SEMA5A: variants seen among roughly 807,000 people sequenced by gnomAD.
SEMA5A encodes semaphorin 5A.
In SEMA5A, 55 loss-of-function variants were observed where a neutral mutation model predicts 135.5. That is an observed-to-expected ratio of 0.41 (90% CI 0.33 to 0.51). SEMA5A has a LOEUF of 0.51. Ranked by LOEUF, SEMA5A falls within the 20% of genes least tolerant of loss-of-function variation. The pLI is 0.37. For synonymous variants in SEMA5A, 580 were observed against 546.5 expected (o/e 1.06, Z -0.85); for missense variants, 1,290 against 1,419.9 (o/e 0.91, Z 1.47).
At chr5:9,265,039 C>A (rs995147755) in intron 5 of SEMA5A, among the ~76,000 whole-genome samples, 2 of 152,122 alleles carry the variant, frequency 1.3e-5, no homozygotes, top group African/African-American at 2.4e-5. Flanking sequence ...TTATAATGCA[C>A]ATGCATTTAG....
chr5:9,267,200 G>T (rs910020138), intron 5 of SEMA5A, among the ~76,000 whole-genome samples: 4 of 152,074 alleles, frequency 2.6e-5, no homozygotes, highest in East Asian at 1.9e-4. Flanking sequence ...TTTAATATAT[G>T]AGCCAGGAAG....
chr5:9,420,445 G>T, intron 2 of SEMA5A, among the ~76,000 whole-genome samples: 1 of 152,246 alleles, frequency 6.6e-6, no homozygotes, highest in Middle Eastern at 3.4e-3. Flanking sequence ...CTGGAGAGAA[G>T]GGGAAATATT....
At chr5:9,318,207 C>T (rs1316879796) in intron 5 of SEMA5A, among the ~76,000 whole-genome samples, 165 bp downstream of exon 5, 2 of 152,166 alleles carry the variant, frequency 1.3e-5, no homozygotes, top group African/African-American at 2.4e-5. Flanking sequence ...GAGGTAATGA[C>T]TCGTAACAAG....
intron 1 of SEMA5A, among the ~76,000 whole-genome samples, chr5:9,538,224 G>A (rs1027712784): frequency 6.7e-6 from 1 of 150,130 alleles, no homozygotes; most frequent in African/African-American, 2.5e-5. Context: ...TGCCAAAGCA[G>A]AATGGAAAGA....
Position 9,226,815 on chromosome 5 carries a change from A to G in SEMA5A, c.432+54T>C, listed in dbSNP as rs987663422. The G allele has an allele frequency of 2.1e-5, 29 of 1,370,200 alleles. No individual in the cohort carries two copies. In the East Asian group the frequency reaches 2.2e-4, roughly 10 times the overall value. 84.9% of individuals were successfully genotyped at this position (1,370,200 alleles called of 1,614,324 possible). On this transcript the variant is annotated intron_variant, in intron 7 of 22. Coordinates refer to ENST00000382496, the MANE Select transcript of SEMA5A (RefSeq NM_003966.3). The stretch of plus-strand genomic sequence containing the variant: ...CATTTAAAACTAGTATTTTTACACA[A>G]TGTTTTGCCTCTTCTGATATTAAAT...
intron 5 of SEMA5A, among the ~76,000 whole-genome samples, chr5:9,259,239 T>G (rs543039739): frequency 6.6e-6 from 1 of 152,228 alleles, no homozygotes; most frequent in African/African-American, 2.4e-5. Context: ...TGGGCAAAAT[T>G]TGCTTTTAAT....
chr5:9,435,174 A>G (rs12520208), intron 2 of SEMA5A, among the ~76,000 whole-genome samples: 80,567 of 151,998 alleles, frequency 0.53, 22,483 homozygotes, highest in Middle Eastern at 0.66. Flanking sequence ...AGACCAGACC[A>G]GAACATTCTT....
chr5:9,353,322 G>T (rs1459156203), intron 3 of SEMA5A, among the ~76,000 whole-genome samples: 196 of 25,102 alleles, frequency 7.8e-3, no homozygotes, highest in Middle Eastern at 0.045. Context: ...GGGAAAGGAA[G>T]GAAAGGAAAG....
intron 5 of SEMA5A, among the ~76,000 whole-genome samples, chr5:9,242,027 A>C (rs1748224383): frequency 1.3e-5 from 2 of 152,262 alleles, no homozygotes; most frequent in South Asian, 4.1e-4. Context: ...ATTAACAACC[A>C]CCTGAGGGCT....
intron 4 of SEMA5A, among the ~76,000 whole-genome samples, chr5:9,336,272 G>A (rs1188082386): frequency 3.9e-5 from 6 of 152,138 alleles, no homozygotes; most frequent in Admixed American, 2.0e-4. Context: ...ATGAAAACAG[G>A]CAAGTCTGGA....
intron 1 of SEMA5A, among the ~76,000 whole-genome samples, chr5:9,544,738 C>T (rs565837273): frequency 6.6e-6 from 1 of 152,296 alleles, no homozygotes; most frequent in Non-Finnish European, 1.5e-5. Flanking sequence ...AAGCAAAGGG[C>T]GAGGAGGTGA....
chr5:9,373,149 A>G (rs1755215577), intron 3 of SEMA5A, among the ~76,000 whole-genome samples: 1 of 152,234 alleles, frequency 6.6e-6, no homozygotes, highest in African/African-American at 2.4e-5. Flanking sequence ...GTTACAAAAC[A>G]TGTCAGATAT....
intron 8 of SEMA5A, among the ~76,000 whole-genome samples, chr5:9,210,109 A>G (rs1295297820): frequency 6.6e-6 from 1 of 152,212 alleles, no homozygotes; most frequent in African/African-American, 2.4e-5. Flanking sequence ...TGACTCATGT[A>G]TATACAGTTC....
intron 6 of SEMA5A, among the ~76,000 whole-genome samples, chr5:9,228,541 G>A (rs897189737): frequency 1.3e-4 from 20 of 152,324 alleles, no homozygotes; most frequent in South Asian, 2.1e-4. Flanking sequence ...TTTTGACTGC[G>A]TGAAGTATTG....
intron 9 of SEMA5A, among the ~76,000 whole-genome samples, chr5:9,201,594 T>C (rs1446307644): frequency 6.6e-6 from 1 of 152,192 alleles, no homozygotes; most frequent in Non-Finnish European, 1.5e-5. Context: ...TATACACAAA[T>C]GCATGACTTG....
At chr5:9,046,819 T>TCTGA (rs1330976454) in intron 21 of SEMA5A, among the ~76,000 whole-genome samples, 7 of 152,196 alleles carry the variant, frequency 4.6e-5, no homozygotes, top group Admixed American at 1.3e-4. Context: ...CTGCTTTCTC[T>TCTGA]CTGACTCACT....
At chr5:9,361,845 A>G (rs900894240) in intron 3 of SEMA5A, among the ~76,000 whole-genome samples, 2 of 152,084 alleles carry the variant, frequency 1.3e-5, no homozygotes, top group African/African-American at 4.8e-5. Flanking sequence ...ATTAGTGGGT[A>G]CCCTTTGACT....
intron 3 of SEMA5A, among the ~76,000 whole-genome samples, chr5:9,340,518 A>G (rs1753600889): frequency 2.0e-5 from 3 of 152,198 alleles, no homozygotes; most frequent in South Asian, 2.1e-4. Flanking sequence ...AGAGACATAC[A>G]TCAGGTTTTG....
chr5:9,505,021 T>C (rs1735797293), intron 1 of SEMA5A, among the ~76,000 whole-genome samples: 1 of 152,230 alleles, frequency 6.6e-6, no homozygotes, highest in Admixed American at 6.5e-5. Flanking sequence ...TACTTGTTAC[T>C]TAGTACATAA....
Sources: gnomAD v4.1 joint callset for allele counts (sites outside exome capture counted in the v4.1 genomes callset) on GRCh38, gnomAD v4.1.1 for gene constraint, MANE v1.5 for transcripts, NCBI Gene and HGNC (gene_info 2026-07-23, HGNC 2026-07-21) for gene names.